The following MB21D2 variants were observed in gnomAD, a reference collection of about 807,000 sequenced individuals.
The protein encoded by MB21D2 is Mab-21 domain containing 2.
Under a neutral mutation model 33.3 loss-of-function variants are expected in MB21D2, and 9 were observed. The ratio of observed to expected loss-of-function variants is 0.27; its 90% confidence interval spans 0.16 to 0.47. The LOEUF is 0.47. Ranked by LOEUF, MB21D2 falls within the 20% of genes least tolerant of loss-of-function variation. The pLI is 0.99. For missense variants in MB21D2, 540 were observed against 624.6 expected (o/e 0.86, Z 1.44); for synonymous variants, 241 against 236.3 (o/e 1.02, Z -0.18).
chr3:192,871,151 C>T (rs149825453), intron 1 of MB21D2, among the ~76,000 whole-genome samples: 24 of 152,292 alleles, frequency 1.6e-4, no homozygotes, highest in Non-Finnish European at 3.1e-4. Context: ...CACGAAGGCA[C>T]GGACTGAGTC....
intron 1 of MB21D2, among the ~76,000 whole-genome samples, chr3:192,894,991 T>C (rs1038939950): frequency 2.7e-5 from 4 of 148,150 alleles, no homozygotes; most frequent in African/African-American, 9.8e-5. Flanking sequence ...TCTTTGGGCA[T>C]CAAACTCATC....
intron 1 of MB21D2, among the ~76,000 whole-genome samples, chr3:192,855,865 G>A (rs760591693): frequency 2.6e-5 from 4 of 152,214 alleles, no homozygotes; most frequent in Non-Finnish European, 5.9e-5. Context: ...CTGAGGTCAG[G>A]AGTTCAAGAC....
At chr3:192,838,171 A>C (rs9837912) in intron 1 of MB21D2, among the ~76,000 whole-genome samples, 92,365 of 152,088 alleles carry the variant, frequency 0.61, 29,955 homozygotes, top group African/African-American at 0.83. Flanking sequence ...TGACTGCTGG[A>C]AGAAGGCCTT....
intron 1 of MB21D2, among the ~76,000 whole-genome samples, chr3:192,815,235 T>G (rs1044599802): frequency 6.6e-5 from 10 of 152,206 alleles, no homozygotes; most frequent in African/African-American, 2.2e-4. Flanking sequence ...AGGTTATTTA[T>G]TCCAACTGCC....
chr3:192,877,766 T>C lies in MB21D2; in HGVS notation c.211+39864A>G, dbSNP rs529979168. ...GCTTAGTGACACCAAATTACTCAGA[T>C]TGGGGCTGAGGATCTAGCAAACTCA... On this transcript the variant is annotated intron_variant, in intron 1 of 1. Coordinates refer to ENST00000392452, the MANE Select transcript of MB21D2 (RefSeq NM_178496.4). 7.9e-5 allele frequency among the ~76,000 whole-genome samples: 12 copies of C among 152,300 alleles called. No individual in the cohort carries two copies. The South Asian group carries it at 1.2e-3, about 16-fold the overall frequency.
chr3:192,884,583 G>A (rs1048949671), intron 1 of MB21D2, among the ~76,000 whole-genome samples: 26 of 152,084 alleles, frequency 1.7e-4, no homozygotes, highest in East Asian at 7.7e-4. Flanking sequence ...TAGCCAGGAT[G>A]GTCTTGATCT....
At chr3:192,895,081 G>T (rs557609224) in intron 1 of MB21D2, among the ~76,000 whole-genome samples, 2 of 152,260 alleles carry the variant, frequency 1.3e-5, no homozygotes, top group South Asian at 2.1e-4. Context: ...CCTGGGTTGG[G>T]GGGGAGGGGG....
chr3:192,881,008 AATAC>A (rs1713554716), intron 1 of MB21D2, among the ~76,000 whole-genome samples: 1 of 152,062 alleles, frequency 6.6e-6, no homozygotes, highest in African/African-American at 2.4e-5. Flanking sequence ...TCTATATATA[AATAC>A]ATATAGATGT....
chr3:192,811,068 G>T (rs113615793), intron 1 of MB21D2, among the ~76,000 whole-genome samples: 44 of 152,296 alleles, frequency 2.9e-4, no homozygotes, highest in Admixed American at 1.4e-3. Flanking sequence ...TCCAGCCACT[G>T]CCAGGAAGTG....
At chr3:192,800,093 T>C (rs560569730) in intron 1 of MB21D2, among the ~76,000 whole-genome samples, 1 of 152,310 alleles carries the variant, frequency 6.6e-6, no homozygotes, top group Admixed American at 6.5e-5. Flanking sequence ...TCATATGAAG[T>C]TCGGCCTTTT....
chr3:192,872,828 G>A (rs1713338927), intron 1 of MB21D2, among the ~76,000 whole-genome samples: 1 of 152,042 alleles, frequency 6.6e-6, no homozygotes, highest in Admixed American at 6.5e-5. Flanking sequence ...TTTAAAAACA[G>A]GGGCCCCAGA....
intron 1 of MB21D2, among the ~76,000 whole-genome samples, chr3:192,911,978 A>G (rs1714368068): frequency 6.6e-6 from 1 of 152,238 alleles, no homozygotes. Context: ...TTCCATGGTA[A>G]ATCCTGCTGG....
chr3:192,800,096 G>A (rs746847058), intron 1 of MB21D2, among the ~76,000 whole-genome samples: 3 of 151,978 alleles, frequency 2.0e-5, no homozygotes, highest in Admixed American at 6.6e-5. Context: ...TATGAAGTTC[G>A]GCCTTTTTTA....
At chr3:192,811,778 A>C (rs1479309779) in intron 1 of MB21D2, among the ~76,000 whole-genome samples, 2 of 152,138 alleles carry the variant, frequency 1.3e-5, no homozygotes, top group Non-Finnish European at 2.9e-5. Context: ...ATGGGGATTA[A>C]GGTTGGGGAG....
chr3:192,837,162 T>G (rs774421789), intron 1 of MB21D2, among the ~76,000 whole-genome samples: 1 of 152,158 alleles, frequency 6.6e-6, no homozygotes, highest in South Asian at 2.1e-4. Flanking sequence ...GAGTAAGTAT[T>G]AGCAGTTCTT....
intron 1 of MB21D2, among the ~76,000 whole-genome samples, chr3:192,823,687 C>T (rs548449475): frequency 6.6e-6 from 1 of 152,240 alleles, no homozygotes; most frequent in African/African-American, 2.4e-5. Flanking sequence ...AATAAGTCTA[C>T]TCAGAGCTTG....
intron 1 of MB21D2, among the ~76,000 whole-genome samples, chr3:192,877,348 T>G (rs1713453515): frequency 6.6e-6 from 1 of 150,508 alleles, no homozygotes; most frequent in South Asian, 2.1e-4. Context: ...GGTCATAATT[T>G]GAGGAAAATA....
At chr3:192,852,671 C>A (rs1215494550) in intron 1 of MB21D2, among the ~76,000 whole-genome samples, 1 of 152,134 alleles carries the variant, frequency 6.6e-6, no homozygotes, top group Non-Finnish European at 1.5e-5. Context: ...AAAATAAAAA[C>A]CAATGTCCAT....
chr3:192,909,279 A>T (rs11921144), intron 1 of MB21D2, among the ~76,000 whole-genome samples: 8,820 of 151,706 alleles, frequency 0.058, 275 homozygotes, highest in Middle Eastern at 0.065. Context: ...AAAAAATAAA[A>T]AAATAATAAT....
Sources: gnomAD v4.1 joint callset for allele counts (sites outside exome capture counted in the v4.1 genomes callset) on GRCh38, gnomAD v4.1.1 for gene constraint, MANE v1.5 for transcripts, NCBI Gene and HGNC (gene_info 2026-07-23, HGNC 2026-07-21) for gene names.